Variants in XKR9 observed in about 807,000 individuals in gnomAD.
The protein encoded by XKR9 is XK-related protein 9.
In XKR9, 32 loss-of-function variants were observed where a neutral mutation model predicts 32.0. The ratio of observed to expected loss-of-function variants is 1.00; its 90% CI spans 0.76 to 1.34. The LOEUF (loss-of-function observed/expected upper bound fraction) is 1.34, where lower values mean the gene tolerates loss of function less well. Among genes scored for constraint, XKR9 ranks in the 40% most tolerant of loss-of-function variants. The pLI is 0.00. For synonymous variants in XKR9, 168 were observed against 143.4 expected (o/e 1.17, Z -1.22); for missense variants, 546 against 429.7 (o/e 1.27, Z -2.39).
the XKR9 span, among the ~76,000 whole-genome samples, chr8:70,914,902 G>A: frequency 2.0e-5 from 3 of 152,224 alleles, no homozygotes; most frequent in Non-Finnish European, 2.9e-5. Flanking sequence ...TGATATTGCA[G>A]TGAAGAAAGA....
the XKR9 span, among the ~76,000 whole-genome samples, chr8:71,008,593 G>A: frequency 6.6e-6 from 1 of 152,190 alleles, no homozygotes; most frequent in Non-Finnish European, 1.5e-5. Context: ...TGGGGCATAG[G>A]AAACTGTTTG....
chr8:70,839,810 G>T, the XKR9 span, among the ~76,000 whole-genome samples: 2 of 152,260 alleles, frequency 1.3e-5, no homozygotes, highest in Admixed American at 1.3e-4. Flanking sequence ...TGAGAAGAAA[G>T]CGACCAGCAG....
At chr8:70,958,051 G>A in the XKR9 span, among the ~76,000 whole-genome samples, 2 of 152,200 alleles carry the variant, frequency 1.3e-5, no homozygotes, top group Non-Finnish European at 2.9e-5. Context: ...GAGTCCCAAA[G>A]TGGTGGAATT....
the XKR9 span, among the ~76,000 whole-genome samples, chr8:71,064,172 A>G: frequency 6.6e-6 from 1 of 152,168 alleles, no homozygotes; most frequent in Non-Finnish European, 1.5e-5. Context: ...CCATATACCC[A>G]TCATTGAGAT....
At chr8:70,918,319 A>C in the XKR9 span, among the ~76,000 whole-genome samples, 3 of 152,168 alleles carry the variant, frequency 2.0e-5, no homozygotes, top group Non-Finnish European at 4.4e-5. Flanking sequence ...TATCGGGGAG[A>C]TCTGGAGAGG....
the XKR9 span, among the ~76,000 whole-genome samples, chr8:70,917,680 C>T: frequency 2.6e-5 from 4 of 152,314 alleles, no homozygotes; most frequent in Non-Finnish European, 5.9e-5. Context: ...ATGTTGGCAT[C>T]TTAAAAACAT....
At chr8:70,883,313 C>A in the XKR9 span, among the ~76,000 whole-genome samples, 5 of 151,994 alleles carry the variant, frequency 3.3e-5, no homozygotes, top group Non-Finnish European at 5.9e-5. Context: ...CATTTCATTC[C>A]TTTTCATGGC....
the XKR9 span, among the ~76,000 whole-genome samples, chr8:70,988,651 C>A: frequency 6.6e-6 from 1 of 152,144 alleles, no homozygotes; most frequent in Non-Finnish European, 1.5e-5. Context: ...ATTTCTGTGA[C>A]CCCACAACTT....
intron 2 of XKR9, among the ~76,000 whole-genome samples, chr8:70,786,799 C>T (rs1280748512): frequency 1.3e-5 from 2 of 152,024 alleles, no homozygotes; most frequent in African/African-American, 2.4e-5. Flanking sequence ...CTACTACTGC[C>T]ATTTTGTTAG....
chr8:70,781,564 AG>A (rs1210704134), intron 2 of XKR9, among the ~76,000 whole-genome samples: 145 of 151,008 alleles, frequency 9.6e-4, no homozygotes, highest in Admixed American at 2.8e-3. Context: ...AAAAAAAAAA[AG>A]AGTTCCCTTT....
At chr8:70,696,525 C>G (rs2132146537) in intron 3 of XKR9, among the ~76,000 whole-genome samples, 1 of 149,942 alleles carries the variant, frequency 6.7e-6, no homozygotes, top group Admixed American at 6.7e-5. Flanking sequence ...GGGCTCTGTT[C>G]TGTTCCATTG....
chr8:70,972,123 A>G, the XKR9 span, among the ~76,000 whole-genome samples: 3 of 152,064 alleles, frequency 2.0e-5, no homozygotes, highest in Non-Finnish European at 4.4e-5. Context: ...TGTGTCATCT[A>G]TGATTTCTTT....
the XKR9 span, among the ~76,000 whole-genome samples, chr8:70,927,701 G>T: frequency 6.6e-6 from 1 of 152,084 alleles, no homozygotes; most frequent in Admixed American, 6.5e-5. Context: ...CTTCCCCAAA[G>T]GACCTGCCTG....
the XKR9 span, among the ~76,000 whole-genome samples, chr8:70,974,947 G>A: frequency 1.3e-5 from 2 of 152,252 alleles, no homozygotes; most frequent in Non-Finnish European, 1.5e-5. Context: ...GGTGTGAGAT[G>A]GTATCTCATT....
chr8:70,900,147 C>CA, the XKR9 span, among the ~76,000 whole-genome samples: 1 of 151,112 alleles, frequency 6.6e-6, no homozygotes, highest in Non-Finnish European at 1.5e-5. Flanking sequence ...GCTTGGGGTT[C>CA]ATGTTTCTTT....
At chr8:71,002,075 A>G in the XKR9 span, among the ~76,000 whole-genome samples, 3 of 152,216 alleles carry the variant, frequency 2.0e-5, no homozygotes, top group Admixed American at 6.5e-5. Context: ...ATGATAATAA[A>G]TCAAATCTTC....
At chr8:70,840,328 AT>A in the XKR9 span, among the ~76,000 whole-genome samples, 4 of 152,148 alleles carry the variant, frequency 2.6e-5, no homozygotes, top group African/African-American at 9.6e-5. Context: ...TAATTTTTGC[AT>A]TTTTTTAAGA....
At chr8:71,007,356 G>A in the XKR9 span, among the ~76,000 whole-genome samples, 1 of 152,136 alleles carries the variant, frequency 6.6e-6, no homozygotes, top group Non-Finnish European at 1.5e-5. Context: ...TGTGGGATGA[G>A]CCCCCTGTCA....
chr8:70,802,049 G>T, the XKR9 span, among the ~76,000 whole-genome samples: 1 of 150,962 alleles, frequency 6.6e-6, no homozygotes. Flanking sequence ...CCATTCTCCT[G>T]CCTCAGCCTC....
Sources: gnomAD v4.1 joint callset for allele counts (sites outside exome capture counted in the v4.1 genomes callset) on GRCh38, gnomAD v4.1.1 for gene constraint, MANE v1.5 for transcripts, NCBI Gene and HGNC (gene_info 2026-07-23, HGNC 2026-07-21) for gene names.